MSRA: variants seen among roughly 807,000 people sequenced by gnomAD.
MSRA encodes mitochondrial peptide methionine sulfoxide reductase.
A neutral mutation model predicts 31.3 loss-of-function variants in MSRA; 54 were observed. That is an observed-to-expected ratio of 1.73 (90% CI 1.39 to 2.17). MSRA has a LOEUF of 2.17. Among genes scored for constraint, MSRA ranks in the 30% most tolerant of loss-of-function variants. The pLI is 0.00. For synonymous variants in MSRA, 169 were observed against 116.5 expected (o/e 1.45, Z -2.90); for missense variants, 507 against 300.9 (o/e 1.69, Z -5.07).
At chr8:10,223,045 A>G (rs889230687) in intron 2 of MSRA, among the ~76,000 whole-genome samples, 3 of 152,234 alleles carry the variant, frequency 2.0e-5, no homozygotes, top group Non-Finnish European at 4.4e-5. Flanking sequence ...GTGTGTATAT[A>G]TATCAATACA....
At chr8:10,360,641 G>T (rs1031129190) in intron 5 of MSRA, among the ~76,000 whole-genome samples, 12 of 152,200 alleles carry the variant, frequency 7.9e-5, no homozygotes, top group African/African-American at 2.7e-4. Flanking sequence ...TAGCATACAC[G>T]AAACTGTCTA....
intron 2 of MSRA, among the ~76,000 whole-genome samples, chr8:10,212,914 A>G (rs901603833): frequency 6.6e-6 from 1 of 152,222 alleles, no homozygotes; most frequent in Non-Finnish European, 1.5e-5. Flanking sequence ...TTTTGTGGGT[A>G]CATAGTAGGT....
chr8:10,387,194 A>T (rs1454721264), intron 5 of MSRA, among the ~76,000 whole-genome samples: 1 of 152,216 alleles, frequency 6.6e-6, no homozygotes, highest in Non-Finnish European at 1.5e-5. Context: ...ATTGAGATTT[A>T]ACCTCTCTCC....
intron 1 of MSRA, among the ~76,000 whole-genome samples, chr8:10,130,176 A>G (rs371617673): frequency 3.2e-4 from 49 of 152,330 alleles, no homozygotes; most frequent in African/African-American, 1.2e-3. Context: ...CCAATAGAGA[A>G]TTTTTCTGCC....
intron 2 of MSRA, among the ~76,000 whole-genome samples, chr8:10,239,278 C>T (rs1812205766): frequency 6.6e-6 from 1 of 152,138 alleles, no homozygotes; most frequent in African/African-American, 2.4e-5. Flanking sequence ...TCTTCTGCCT[C>T]AGCCTCATGA....
chr8:10,339,278 G>C (rs1465168176), intron 5 of MSRA, among the ~76,000 whole-genome samples: 1 of 152,130 alleles, frequency 6.6e-6, no homozygotes, highest in Non-Finnish European at 1.5e-5. Context: ...ATGGAGACAG[G>C]CCCTTTCTGT....
intron 1 of MSRA, among the ~76,000 whole-genome samples, chr8:10,072,696 T>A (rs1287266546): frequency 6.6e-6 from 1 of 152,250 alleles, no homozygotes; most frequent in African/African-American, 2.4e-5. Context: ...ACAATTGATG[T>A]CTTTATTATG....
Position 10,324,424 on chromosome 8 carries a change from G to A in MSRA, c.543+4435G>A, listed in dbSNP as rs114735581. Among the ~76,000 whole-genome samples, 9 of 152,204 alleles carry A rather than the reference G, an allele frequency of 5.9e-5. No homozygotes were observed. In the South Asian group the frequency reaches 1.5e-3, roughly 25 times the overall value. On this transcript the variant is annotated intron_variant, in intron 5 of 5. Transcript: ENST00000317173. ...CTATGGCTTATCCCAAGAGCGGGAC[G>A]GCCATGGAACATGGGACGGCCACGG... is the stretch of plus-strand genomic sequence containing the variant.
intron 1 of MSRA, among the ~76,000 whole-genome samples, chr8:10,195,062 A>G (rs1807853854): frequency 1.3e-5 from 2 of 152,206 alleles, no homozygotes. Context: ...CTGTAACTAT[A>G]GTTACCCTAT....
At chr8:10,418,773 G>A (rs1037803725) in intron 5 of MSRA, among the ~76,000 whole-genome samples, 8 of 116,768 alleles carry the variant, frequency 6.9e-5, no homozygotes, top group African/African-American at 1.6e-4. Flanking sequence ...CTTAAAAATG[G>A]CTAAGATAGT....
chr8:10,081,881 C>T (rs886960899), intron 1 of MSRA, among the ~76,000 whole-genome samples: 3 of 152,148 alleles, frequency 2.0e-5, no homozygotes, highest in African/African-American at 4.8e-5. Flanking sequence ...GAATTCTACC[C>T]CCTCTGCTGA....
chr8:10,305,081 T>C (rs1801053503), intron 4 of MSRA, among the ~76,000 whole-genome samples: 1 of 152,260 alleles, frequency 6.6e-6, no homozygotes, highest in South Asian at 2.1e-4. Flanking sequence ...ATTAGCATGT[T>C]GAAAGATTTT....
chr8:10,260,764 T>A (rs1798438824), intron 3 of MSRA, among the ~76,000 whole-genome samples: 1 of 152,214 alleles, frequency 6.6e-6, no homozygotes, highest in Admixed American at 6.5e-5. Context: ...CGTGTGTGTG[T>A]GCTTAATGTC....
chr8:10,406,131 G>A (rs1467703257), intron 5 of MSRA, among the ~76,000 whole-genome samples: 1 of 152,228 alleles, frequency 6.6e-6, no homozygotes, highest in Non-Finnish European at 1.5e-5. Flanking sequence ...GACTCTCCCT[G>A]TATCCGACTC....
chr8:10,084,677 G>C (rs1169623332), intron 1 of MSRA, among the ~76,000 whole-genome samples: 1 of 152,278 alleles, frequency 6.6e-6, no homozygotes, highest in African/African-American at 2.4e-5. Context: ...TGAGAGGTAG[G>C]TATTATTTTA....
At chr8:10,356,993 A>G (rs868316068) in intron 5 of MSRA, among the ~76,000 whole-genome samples, 1 of 151,010 alleles carries the variant, frequency 6.6e-6, no homozygotes, top group African/African-American at 2.4e-5. Flanking sequence ...TAATCTGCAG[A>G]TCCCCATAAG....
chr8:10,198,766 G>C (rs1484647), intron 1 of MSRA, among the ~76,000 whole-genome samples: 2 of 151,926 alleles, frequency 1.3e-5, no homozygotes, highest in African/African-American at 4.8e-5. Flanking sequence ...TGGGACCACA[G>C]GTGCACACCA....
intron 5 of MSRA, among the ~76,000 whole-genome samples, chr8:10,387,079 A>AGGC (rs1806440941): frequency 1.3e-5 from 2 of 152,246 alleles, no homozygotes; most frequent in Non-Finnish European, 2.9e-5. Context: ...CAAGCTCCAG[A>AGGC]GGCAGCTGCT....
At chr8:10,310,262 C>T (rs1330598391) in intron 4 of MSRA, among the ~76,000 whole-genome samples, 3 of 152,136 alleles carry the variant, frequency 2.0e-5, no homozygotes, top group East Asian at 1.9e-4. Flanking sequence ...GCAAAAGCTA[C>T]CCAAACCCAG....
Sources: allele counts gnomAD v4.1 joint callset (sites outside exome capture counted in the v4.1 genomes callset), GRCh38; gene constraint gnomAD v4.1.1; transcripts MANE v1.5; gene names NCBI Gene and HGNC (gene_info 2026-07-23, HGNC 2026-07-21).